Variants in SPECC1 observed in about 807,000 individuals in gnomAD.
SPECC1 encodes the protein cytospin-B.
A neutral mutation model predicts 104.1 loss-of-function variants in SPECC1; 62 were observed. That is an observed-to-expected ratio of 0.60 (90% CI 0.49 to 0.74). The LOEUF is 0.74. Ranked by LOEUF, SPECC1 falls within the 30% of genes least tolerant of loss-of-function variation. The pLI, the probability that SPECC1 is intolerant of heterozygous loss-of-function variation, is 0.00. For synonymous variants in SPECC1, 513 were observed against 501.6 expected, an observed-to-expected ratio of 1.02 and a Z score of -0.30; for missense variants, 1,306 against 1,310.5, an observed-to-expected ratio of 1.00 and a Z score of 0.05.
At position 20,221,305 on chromosome 17, in the gene SPECC1, TG is replaced by T. The variant is rs2037858715; in HGVS notation, c.1864-6103del. The stretch of plus-strand genomic sequence containing the variant: ...CATTGGGTCCTGGGCATTTCTTTGC[TG>T]GGGGACTTTTTATTCTGGCTTTTAT... On this transcript the variant is annotated intron_variant, in intron 4 of 14. Coordinates refer to ENST00000395527, the MANE Select transcript of SPECC1 (RefSeq NM_001243439.2). Among the ~76,000 whole-genome samples the T allele has an allele frequency of 2.0e-5, 3 of 152,178 alleles. No homozygotes were observed. The South Asian group carries it at 6.2e-4, about 31-fold the overall frequency.
In SPECC1 at chr17:20,067,831, C is replaced by T. The variant is rs143998954; in HGVS notation, c.-21-28800C>T. Among the ~76,000 whole-genome samples the T allele has an allele frequency of 2.0e-3, 309 of 152,234 alleles. 1 individual carries two copies. Among genetic ancestry groups the T allele is most frequent in the Middle Eastern group, 0.01 (3 of 294 alleles). On this transcript the variant is annotated intron_variant, in intron 1 of 14. Coordinates refer to ENST00000395527, the MANE Select transcript of SPECC1 (RefSeq NM_001243439.2). The stretch of plus-strand genomic sequence containing the variant: ...TGTCAAATTCTAGAACATTACCCCC[C>T]CGCCCCGAAAACCCAGGGCAGTTAC...
intron 14 of SPECC1, among the ~76,000 whole-genome samples, chr17:20,308,980 G>C (rs2041853590): frequency 6.6e-6 from 1 of 152,070 alleles, no homozygotes; most frequent in South Asian, 2.1e-4. Flanking sequence ...CATCTAATGT[G>C]CTATAGAAGT....
At chr17:20,085,877 G>A (rs757163121) in intron 1 of SPECC1, among the ~76,000 whole-genome samples, 4 of 152,224 alleles carry the variant, frequency 2.6e-5, no homozygotes, top group Admixed American at 6.5e-5. Context: ...TACCCACGGC[G>A]GGATGCAGAT....
At chr17:20,266,223 A>G (rs2040210763) in intron 12 of SPECC1, among the ~76,000 whole-genome samples, 1 of 152,162 alleles carries the variant, frequency 6.6e-6, no homozygotes, top group Non-Finnish European at 1.5e-5. Context: ...ATGTTTCTCC[A>G]TTTATTTGTG....
At chr17:20,020,611 C>T (rs112817805) in intron 1 of SPECC1, among the ~76,000 whole-genome samples, 14,397 of 152,252 alleles carry the variant, frequency 0.095, 778 homozygotes, top group Non-Finnish European at 0.12. Flanking sequence ...GGATTACAGG[C>T]GTGAGCCTCC....
At chr17:20,310,123 T>C (rs1254681348) in intron 14 of SPECC1, among the ~76,000 whole-genome samples, 2 of 152,066 alleles carry the variant, frequency 1.3e-5, no homozygotes, top group Non-Finnish European at 2.9e-5. Context: ...TGCCCGGCCC[T>C]TTATCCAGTC....
At chr17:20,306,676 G>C (rs1393460411) in intron 14 of SPECC1, among the ~76,000 whole-genome samples, 1 of 152,260 alleles carries the variant, frequency 6.6e-6, no homozygotes, top group African/African-American at 2.4e-5. Context: ...AGAGGAAAAG[G>C]AGAGAGAGAA....
At position 20,204,474 on chromosome 17, in the gene SPECC1, C is replaced by A. The variant is rs1162127466; in HGVS notation, c.425C>A (p.Thr142Asn). 1.9e-6 allele frequency: 3 copies of A among 1,614,116 alleles called. No homozygotes were observed. Among genetic ancestry groups the A allele is most frequent in the Non-Finnish European group, 2.5e-6 (3 of 1,180,028 alleles). Residue 142 changes from threonine to asparagine, a missense_variant, in exon 4 of 15, where the codon ACT becomes AAT. By Grantham distance (65) the Thr-to-Asn change is moderately conservative. Transcript: ENST00000395527. ...VSSPTSSNTP[T>N]PTKHLRTPST... is the part of the protein sequence containing the mutation. ...AGTCCAACTTCTTCCAACACTCCCA[C>A]TCCTACGAAACACCTGAGGACCCCT...
rs2044841721 is a variant in SPECC1 at position 20,032,169 on chromosome 17, TAA to T, written c.-22+22746_-22+22747del. On this transcript the variant is annotated intron_variant, in intron 1 of 14. Coordinates refer to ENST00000395527, the MANE Select transcript of SPECC1 (RefSeq NM_001243439.2). ...TTCTTTTGTAAGTGAGGTTCTCTTA[TAA>T]GTTTTCCTCTAGCTGCTTTCAATAT... Among the ~76,000 whole-genome samples the T allele has an allele frequency of 2.6e-5, 4 of 152,190 alleles. No individual in the cohort carries two copies. The South Asian group carries it at 8.3e-4, about 32-fold the overall frequency.
chr17:20,053,525 TTAGGAG>T (rs1167779067), intron 1 of SPECC1, among the ~76,000 whole-genome samples: 2 of 152,226 alleles, frequency 1.3e-5, no homozygotes, highest in Middle Eastern at 3.4e-3. Flanking sequence ...GTCCATAGTG[TTAGGAG>T]TAGGAGTAGG....
At chr17:20,029,395 G>T (rs2044721137) in intron 1 of SPECC1, among the ~76,000 whole-genome samples, 1 of 152,154 alleles carries the variant, frequency 6.6e-6, no homozygotes, top group East Asian at 1.9e-4. Flanking sequence ...TTGTTTATCA[G>T]TTATCATAGT....
intron 7 of SPECC1, chr17:20,236,899 G>C: frequency 6.2e-7 from 1 of 1,613,768 alleles, no homozygotes; most frequent in Non-Finnish European, 8.5e-7. Context: ...TTTGGTGGAA[G>C]AAAGACAGCC....
intron 12 of SPECC1, among the ~76,000 whole-genome samples, chr17:20,295,377 C>G (rs945189927): frequency 6.6e-6 from 1 of 151,928 alleles, no homozygotes; most frequent in Non-Finnish European, 1.5e-5. Context: ...GTATAGTATT[C>G]GATGGTGTAC....
intron 1 of SPECC1, among the ~76,000 whole-genome samples, chr17:20,050,982 A>G (rs963743187): frequency 5.3e-5 from 8 of 152,218 alleles, no homozygotes; most frequent in Non-Finnish European, 1.2e-4. Context: ...CAAGTTTGCT[A>G]ACTGCTTTAC....
chr17:20,096,908 TC>T, intron 2 of SPECC1, 110 bp downstream of exon 2: 1 of 1,382,214 alleles, frequency 7.2e-7, no homozygotes, highest in Non-Finnish European at 9.9e-7. Flanking sequence ...GGAAGGAGGC[TC>T]CCAAGGAGGG....
rs946192078 is a variant in SPECC1, at chr17:20,021,981, G to A, written c.-22+12557G>A. 1.2e-4 allele frequency among the ~76,000 whole-genome samples: 18 copies of A among 151,046 alleles called. 1 individual carries two copies. Among genetic ancestry groups the A allele is most frequent in the Middle Eastern group, 6.9e-3 (2 of 290 alleles). The stretch of plus-strand genomic sequence containing the variant: ...TTTTGAGATGGAGTTTCACTCAGTC[G>A]CCCAGGCTGGAGTGCAGTGGCATGG... On this transcript the variant is annotated intron_variant, in intron 1 of 14. Coordinates refer to ENST00000395527, the MANE Select transcript of SPECC1 (RefSeq NM_001243439.2).
chr17:20,260,072 T>C (rs2039971611), intron 11 of SPECC1, 120 bp from the exon 12 acceptor site: 1 of 682,828 alleles, frequency 1.5e-6, no homozygotes, highest in South Asian at 2.8e-5. Flanking sequence ...GCTGTTTCTT[T>C]AGAATCTTGC....
intron 1 of SPECC1, among the ~76,000 whole-genome samples, chr17:20,029,459 ATCTGT>A (rs1236519674): frequency 6.6e-6 from 1 of 152,070 alleles, no homozygotes; most frequent in Non-Finnish European, 1.5e-5. Context: ...GTAAATAGAG[ATCTGT>A]TCTTTTTTTT....
intron 4 of SPECC1, among the ~76,000 whole-genome samples, chr17:20,215,127 C>T (rs947531499): frequency 1.2e-4 from 19 of 152,238 alleles, no homozygotes; most frequent in African/African-American, 4.1e-4. Context: ...CCTCCAAGGC[C>T]GGGGCCTCGT....
Sources: gnomAD v4.1 joint callset for allele counts (sites outside exome capture counted in the v4.1 genomes callset) on GRCh38, gnomAD v4.1.1 for gene constraint, MANE v1.5 for transcripts, NCBI Gene and HGNC (gene_info 2026-07-23, HGNC 2026-07-21) for gene names.